Variants in TLN1 observed in about 807,000 individuals in gnomAD.
TLN1 encodes the protein talin-1.
In TLN1, 56 loss-of-function variants were observed where a neutral mutation model predicts 292.3. That is an observed-to-expected ratio of 0.19 (90% CI 0.15 to 0.24). TLN1 has a LOEUF of 0.24. Among genes scored for constraint, TLN1 ranks in the 10% least tolerant of loss-of-function variants. The probability of loss-of-function intolerance (pLI) is 1.00; values close to 1 mark genes in which losing one functional copy is unlikely to be tolerated. For synonymous variants in TLN1, 1,119 were observed against 1,253.7 expected, an observed-to-expected ratio of 0.89 and a Z score of 2.27; for missense variants, 2,433 against 3,248.2, an observed-to-expected ratio of 0.75 and a Z score of 6.10.
chr9:35,701,802 T>C (rs977395672), intron 48 of TLN1, among the ~76,000 whole-genome samples: 2 of 151,924 alleles, frequency 1.3e-5, no homozygotes, highest in Non-Finnish European at 2.9e-5. Context: ...AAGAGAGAAG[T>C]CTAATATATT....
At chr9:35,710,529 G>A (rs1432937440) in intron 33 of TLN1, 32 bp downstream of exon 33, 17 of 1,599,630 alleles carry the variant, frequency 1.1e-5, no homozygotes, top group Non-Finnish European at 1.5e-5. Flanking sequence ...GAAAGTAGGG[G>A]CCATTCAAAG....
chr9:35,701,290 AATATAT>A (rs1188019025), intron 48 of TLN1, among the ~76,000 whole-genome samples: 1 of 152,022 alleles, frequency 6.6e-6, no homozygotes, highest in Admixed American at 6.6e-5. Flanking sequence ...GACATAATCT[AATATAT>A]ATATATTTCT....
intron 34 of TLN1, 69 bp downstream of exon 34, chr9:35,708,272 T>G: frequency 6.7e-7 from 1 of 1,490,460 alleles, no homozygotes; most frequent in Non-Finnish European, 9.0e-7. Context: ...ATGCCTCACC[T>G]CCCTCTACTC....
At chr9:35,702,247 C>T (rs563844266) in intron 48 of TLN1, among the ~76,000 whole-genome samples, 30 of 152,204 alleles carry the variant, frequency 2.0e-4, no homozygotes, top group Admixed American at 1.9e-3. Context: ...TTCGGAGGCA[C>T]TGCATCTAGG....
rs971722710 is a variant in TLN1, at chr9:35,699,564, C to A, written c.6769-103G>T. The A allele has an allele frequency of 4.1e-5, 60 of 1,454,302 alleles. No individual in the cohort carries two copies. Among genetic ancestry groups the A allele is most frequent in the Non-Finnish European group, 5.4e-5 (59 of 1,101,044 alleles). 90.1% of individuals were successfully genotyped at this position (1,454,302 alleles called of 1,614,324 possible). A position where few individuals can be genotyped will look rare whatever the true frequency, so the allele number is the denominator to read the frequency against. The stretch of plus-strand genomic sequence containing the variant: ...GGCCCCCTCACCCCTATCCCTAGAG[C>A]ACTCCACACCATAGCCCTCAAACTC... On this transcript the variant is annotated intron_variant, in intron 50 of 56. Coordinates refer to ENST00000314888, the MANE Select transcript of TLN1 (RefSeq NM_006289.4). The surrounding 1 kb of genome is among the most constrained non-coding windows in gnomAD (Gnocchi z 4.0).
chr9:35,725,911 T>C (rs1825967753), intron 1 of TLN1, among the ~76,000 whole-genome samples, 184 bp from the exon 2 acceptor site: 2 of 151,906 alleles, frequency 1.3e-5, no homozygotes, highest in Admixed American at 6.6e-5. Context: ...AAAGAATGAG[T>C]CCTGACAATT....
chr9:35,704,678 G>A lies in TLN1; in HGVS notation c.5871C>T (p.Val1957=). 6.2e-7 allele frequency: 1 copy of A among 1,614,050 alleles called. No homozygotes were observed. The highest frequency in any genetic ancestry group is 8.5e-7 in the Non-Finnish European group (1 of 1,180,024). Residue 1957 remains valine (V), a synonymous_variant, in exon 44 of 57, where the codon GTC becomes GTT. Transcript: ENST00000314888. This position sits in a 1 kb window ranked among gnomAD's most constrained non-coding sequence, Gnocchi z 6.9. ...KKELIECARR[V]SEKVSHVLAA... ...GGATGAGCACCGTCACCTTCTCAGA[G>A]ACTCTCCGGGCACACTCTATGAGCT...
At position 35,719,479 on chromosome 9, in the gene TLN1, CT is replaced by C. The variant is rs1473333530; in HGVS notation, c.1687+39del. ...GCATGCCTGTGCACACTTGCACCCCCTCTCCCCATCACACACCCGGAAGCTA... is the reference window on the plus strand; with the variant it reads ...GCATGCCTGTGCACACTTGCACCCCCCTCCCCATCACACACCCGGAAGCTA... On this transcript the variant is annotated intron_variant, in intron 15 of 56. Transcript: ENST00000314888. The surrounding 1 kb of genome is among the most constrained non-coding windows in gnomAD (Gnocchi z 4.6). 2 of 1,568,432 alleles carry C rather than the reference CT, an allele frequency of 1.3e-6. No individual in the cohort carries two copies. Among genetic ancestry groups the C allele is most frequent in the East Asian group, 2.2e-5 (1 of 44,664 alleles).
Position 35,698,294 on chromosome 9 carries a change from G to A in TLN1, c.7371+29C>T. The A allele has an allele frequency of 1.2e-6, 2 of 1,612,618 alleles. No homozygotes were observed. The highest frequency in any genetic ancestry group is 1.7e-6 in the Non-Finnish European group (2 of 1,178,874). On this transcript the variant is annotated intron_variant, in intron 55 of 56. Transcript: ENST00000314888. This position sits in a 1 kb window ranked among gnomAD's most constrained non-coding sequence, Gnocchi z 5.3. The stretch of plus-strand genomic sequence containing the variant: ...GACAGTTTGAAGCAGTATAGCCCAA[G>A]GGACAATGGGATGGGTCAGGGTTCT...
intron 34 of TLN1, 122 bp from the exon 35 acceptor site, chr9:35,708,014 A>G (rs891548285): frequency 9.3e-6 from 11 of 1,181,344 alleles, no homozygotes; most frequent in Admixed American, 2.4e-5. Flanking sequence ...CAGGAATAAC[A>G]GAGTCACCTG....
intron 1 of TLN1, among the ~76,000 whole-genome samples, chr9:35,730,080 G>A (rs1826046792): frequency 6.6e-6 from 1 of 151,742 alleles, no homozygotes; most frequent in African/African-American, 2.4e-5. Context: ...TGGGGGAAGG[G>A]GAATGATTAC....
intron 1 of TLN1, among the ~76,000 whole-genome samples, chr9:35,728,422 C>G (rs1329280790): frequency 6.6e-6 from 1 of 152,128 alleles, no homozygotes; most frequent in African/African-American, 2.4e-5. Context: ...ACTGACATAT[C>G]CGGCCTCAGG....
chr9:35,719,532 C>T lies in TLN1; in HGVS notation c.1674G>A (p.Val558=), dbSNP rs902985624. 8.1e-6 allele frequency: 13 copies of T among 1,613,934 alleles called. No individual in the cohort carries two copies. In the East Asian group the frequency reaches 8.9e-5, roughly 11 times the overall value. ...DAITAGTASV[V]NLTAGDPAET... is the part of the protein sequence containing the mutation. ...CATCCGGCCTACCTGCTGTCAGGTT[C>T]ACCACAGACGCAGTACCAGCTGTGA... The change falls in exon 15 of 57, where the codon GTG becomes GTA. Residue 558 remains valine (V), a synonymous_variant. Coordinates refer to ENST00000314888, the MANE Select transcript of TLN1 (RefSeq NM_006289.4). The surrounding 1 kb of genome is among the most constrained non-coding windows in gnomAD (Gnocchi z 4.6).
At chr9:35,730,635 G>A (rs1050757853) in intron 1 of TLN1, among the ~76,000 whole-genome samples, 37 of 151,992 alleles carry the variant, frequency 2.4e-4, no homozygotes, top group African/African-American at 7.7e-4. Flanking sequence ...TAGGATGTGC[G>A]GATTAAAGGT....
In TLN1 at chr9:35,698,318, C is replaced by T. The variant is rs1161100986; in HGVS notation, c.7371+5G>A. The T allele has an allele frequency of 6.2e-7, 1 of 1,613,914 alleles. No individual in the cohort carries two copies. The highest frequency in any genetic ancestry group is 1.1e-5 in the South Asian group (1 of 91,066). ...AGGGACAATGGGATGGGTCAGGGTT[C>T]TCACCTGAAGTCGTTTCATTGCCTC... On this transcript the variant is annotated splice_donor_5th_base_variant and intron_variant, in intron 55 of 56. Coordinates refer to ENST00000314888, the MANE Select transcript of TLN1 (RefSeq NM_006289.4). The surrounding 1 kb of genome is among the most constrained non-coding windows in gnomAD (Gnocchi z 5.3).
At chr9:35,730,145 C>T (rs1388435360) in intron 1 of TLN1, among the ~76,000 whole-genome samples, 1 of 138,414 alleles carries the variant, frequency 7.2e-6, no homozygotes, top group East Asian at 2.3e-4. Context: ...CCAGGTCAGG[C>T]TATAGGAGGT....
chr9:35,713,048 G>A lies in TLN1; in HGVS notation c.3353-5C>T, dbSNP rs1399063710. 2 of 1,597,138 alleles carry A rather than the reference G, an allele frequency of 1.3e-6. No individual in the cohort carries two copies. Among genetic ancestry groups the A allele is most frequent in the Non-Finnish European group, 1.7e-6 (2 of 1,169,180 alleles). ...CCACATCCCGAGCTGCAATACCTTG[G>A]GAGATGAGGAGAAAGAGGGAAGGGA... On this transcript the variant is annotated splice_region_variant and splice_polypyrimidine_tract_variant and intron_variant, in intron 26 of 56. Transcript: ENST00000314888.
intron 8 of TLN1, 50 bp from the exon 9 acceptor site, chr9:35,722,273 A>C: frequency 6.7e-7 from 1 of 1,498,196 alleles, no homozygotes; most frequent in African/African-American, 1.4e-5. Flanking sequence ...TATCACAGCT[A>C]AGGAATTAAG....
chr9:35,703,452 G>A, intron 48 of TLN1, 108 bp downstream of exon 48: 1 of 1,079,360 alleles, frequency 9.3e-7, no homozygotes, highest in Non-Finnish European at 1.4e-6. Flanking sequence ...AGATGAGAGA[G>A]AAGACTGTGT....
Sources: allele counts gnomAD v4.1 joint callset (sites outside exome capture counted in the v4.1 genomes callset), GRCh38; gene constraint gnomAD v4.1.1; non-coding constraint Gnocchi (gnomAD v3.1); transcripts MANE v1.5; gene names NCBI Gene and HGNC (gene_info 2026-07-23, HGNC 2026-07-21).